MTA3: variants seen among roughly 807,000 people sequenced by gnomAD.
The protein encoded by MTA3 is metastasis associated 1 family member 3, also known as metastasis-associated protein MTA3.
Under a neutral mutation model 83.5 loss-of-function variants are expected in MTA3, and 34 were observed. The ratio of observed to expected loss-of-function variants is 0.41; its 90% confidence interval spans 0.31 to 0.54. The LOEUF is 0.54. MTA3 is among the 20% of genes least tolerant of loss of function. The pLI, the probability that MTA3 is intolerant of heterozygous loss-of-function variation, is 0.33. For missense variants in MTA3, 761 were observed against 726.4 expected (o/e 1.05, Z -0.55); for synonymous variants, 303 against 252.7 (o/e 1.20, Z -1.89).
At chr2:42,710,393 AT>A (rs1220407400) in intron 14 of MTA3, among the ~76,000 whole-genome samples, 1 of 151,908 alleles carries the variant, frequency 6.6e-6, no homozygotes, top group Non-Finnish European at 1.5e-5. Context: ...TCTACTAAAT[AT>A]ACAAAAATTA....
At chr2:42,496,181 G>T (rs567708564) in intron 2 of MTA3, among the ~76,000 whole-genome samples, 4 of 152,142 alleles carry the variant, frequency 2.6e-5, no homozygotes, top group African/African-American at 9.7e-5. Context: ...TTACATTTGA[G>T]CTTAGAAAAC....
chr2:42,612,504 T>G lies in MTA3; in HGVS notation c.317+2920T>G, dbSNP rs533079700. 2.0e-5 allele frequency among the ~76,000 whole-genome samples: 3 copies of G among 152,192 alleles called. No homozygotes were observed. The South Asian group carries it at 6.2e-4, about 32-fold the overall frequency. ...GTGCTGGGATTACAGGTGTGAGTCA[T>G]GAGCATGGCCTCCATTTATTTAATT... On this transcript the variant is annotated intron_variant, in intron 4 of 16. Coordinates refer to ENST00000405094, the MANE Select transcript of MTA3 (RefSeq NM_001330442.2).
chr2:42,733,051 C>A (rs1270538188), intron 16 of MTA3, among the ~76,000 whole-genome samples: 2 of 152,220 alleles, frequency 1.3e-5, no homozygotes, highest in East Asian at 1.9e-4. Flanking sequence ...ACTGTTCCAA[C>A]CTGTGCCTGT....
At chr2:42,563,039 T>C (rs1677742185) in intron 2 of MTA3, among the ~76,000 whole-genome samples, 1 of 151,886 alleles carries the variant, frequency 6.6e-6, no homozygotes, top group South Asian at 2.1e-4. Context: ...CTCCTACATC[T>C]CTCTAAAACC....
intron 2 of MTA3, among the ~76,000 whole-genome samples, chr2:42,517,601 G>T (rs1194868996): frequency 1.3e-5 from 2 of 149,930 alleles, no homozygotes; most frequent in Admixed American, 1.3e-4. Flanking sequence ...ATTAGGCCAG[G>T]CATGGTGGCT....
intron 4 of MTA3, among the ~76,000 whole-genome samples, chr2:42,631,696 T>C (rs2104257854): frequency 6.6e-6 from 1 of 152,344 alleles, no homozygotes; most frequent in East Asian, 1.9e-4. Context: ...TATTATTTTA[T>C]TATTATTTTT....
chr2:42,706,548 T>G (rs1263092380), intron 12 of MTA3, among the ~76,000 whole-genome samples: 2 of 152,240 alleles, frequency 1.3e-5, no homozygotes, highest in Non-Finnish European at 2.9e-5. Flanking sequence ...GATATCTTCA[T>G]GTGCTGTTTG....
intron 2 of MTA3, among the ~76,000 whole-genome samples, chr2:42,519,748 T>A (rs1253763616): frequency 6.6e-6 from 1 of 151,958 alleles, no homozygotes; most frequent in African/African-American, 2.4e-5. Flanking sequence ...CAAATAAAAA[T>A]TCTTTTAAAA....
Position 42,711,669 on chromosome 2 carries a change from A to G in MTA3, c.1525+2573A>G, listed in dbSNP as rs1485530599. Reference sequence around the variant, plus strand: ...CTGTTCTTATACTTACCTTGTTACAACCTCTTCAGCAGATGTCTTGATCTT... The same window carrying G: ...CTGTTCTTATACTTACCTTGTTACAGCCTCTTCAGCAGATGTCTTGATCTT... On this transcript the variant is annotated intron_variant, in intron 14 of 16. Coordinates refer to ENST00000405094, the MANE Select transcript of MTA3 (RefSeq NM_001330442.2). Among the ~76,000 whole-genome samples, 7 of 151,824 alleles carry G rather than the reference A, an allele frequency of 4.6e-5. 2 individuals carry two copies. The highest frequency in any genetic ancestry group is 3.9e-4 in the Admixed American group (6 of 15,228).
At chr2:42,731,766 G>A (rs543606161) in intron 16 of MTA3, among the ~76,000 whole-genome samples, 21 of 152,206 alleles carry the variant, frequency 1.4e-4, no homozygotes, top group African/African-American at 5.1e-4. Context: ...ACTCATTTTA[G>A]CATTAACCCA....
At chr2:42,498,693 C>G (rs1674259270) in intron 2 of MTA3, among the ~76,000 whole-genome samples, 1 of 152,170 alleles carries the variant, frequency 6.6e-6, no homozygotes. Flanking sequence ...TTGTGTGCTG[C>G]CTCTGTAAGC....
chr2:42,615,418 C>G (rs926748943), intron 4 of MTA3, among the ~76,000 whole-genome samples: 1 of 151,800 alleles, frequency 6.6e-6, no homozygotes. Flanking sequence ...CCTAGTGCTG[C>G]GATCTCGATT....
At chr2:42,621,514 C>T (rs1685538500) in intron 4 of MTA3, among the ~76,000 whole-genome samples, 1 of 152,350 alleles carries the variant, frequency 6.6e-6, no homozygotes, top group South Asian at 2.1e-4. Flanking sequence ...AAAATGGAGT[C>T]TCCTATGTCT....
chr2:42,529,209 T>C (rs182174089), intron 2 of MTA3, among the ~76,000 whole-genome samples: 206 of 152,282 alleles, frequency 1.4e-3, no homozygotes, highest in Middle Eastern at 6.8e-3. Flanking sequence ...AGGAACTCTC[T>C]TGGGTTAGGG....
rs182029550 is a variant in MTA3 at position 42,720,232 on chromosome 2, G to T, written c.1612+1158G>T. 6.6e-5 allele frequency among the ~76,000 whole-genome samples: 10 copies of T among 151,650 alleles called. No individual in the cohort carries two copies. In the East Asian group the frequency reaches 1.9e-3, roughly 29 times the overall value. On this transcript the variant is annotated intron_variant, in intron 15 of 16. Transcript: ENST00000405094. ...GAATCTCACTCTTCTGTCCAAGCTG[G>T]AGTGCAGTGGCGCAATCTCGGCTCA...
At chr2:42,592,340 T>C (rs1681118781) in intron 3 of MTA3, among the ~76,000 whole-genome samples, 1 of 152,074 alleles carries the variant, frequency 6.6e-6, no homozygotes, top group Non-Finnish European at 1.5e-5. Flanking sequence ...TCCCAGCACT[T>C]TGGGAGGCTG....
intron 16 of MTA3, among the ~76,000 whole-genome samples, chr2:42,732,762 C>T (rs1668321592): frequency 6.6e-6 from 1 of 152,172 alleles, no homozygotes; most frequent in African/African-American, 2.4e-5. Context: ...TGCTTTGCTG[C>T]TTAGAAATTT....
At chr2:42,625,105 C>A (rs925558059) in intron 4 of MTA3, among the ~76,000 whole-genome samples, 2 of 152,066 alleles carry the variant, frequency 1.3e-5, no homozygotes, top group African/African-American at 4.8e-5. Context: ...CATCTCGGCT[C>A]ACTGCAACCT....
intron 2 of MTA3, among the ~76,000 whole-genome samples, chr2:42,514,738 A>G (rs1675063219): frequency 8.7e-6 from 1 of 114,930 alleles, no homozygotes; most frequent in South Asian, 3.1e-4. Context: ...TCCAGGCTGG[A>G]GTACAGCAGT....
Sources: allele counts gnomAD v4.1 joint callset (sites outside exome capture counted in the v4.1 genomes callset), GRCh38; gene constraint gnomAD v4.1.1; transcripts MANE v1.5; gene names NCBI Gene and HGNC (gene_info 2026-07-23, HGNC 2026-07-21).